FANCA: variants seen among roughly 807,000 people sequenced by gnomAD.
FANCA encodes the protein Fanconi anemia group A protein.
A neutral mutation model predicts 194.3 loss-of-function variants in FANCA; 236 were observed. That is an observed-to-expected ratio of 1.21 (90% CI 1.09 to 1.35). FANCA has a LOEUF of 1.35. Ranked by LOEUF, FANCA falls within the 40% of genes most tolerant of loss-of-function variation. The pLI is 0.00. For missense variants in FANCA, 2,628 were observed against 1,813.9 expected (o/e 1.45, Z -8.15); for synonymous variants, 1,014 against 715.8 (o/e 1.42, Z -6.65).
chr16:89,791,005 T>TTGTG (rs1287893743), intron 14 of FANCA: 10 of 230,702 alleles, frequency 4.3e-5, no homozygotes, highest in African/African-American at 1.4e-4. Context: ...AGTTTTTGTT[T>TTGTG]TGTGTGTGTG....
intron 31 of FANCA, among the ~76,000 whole-genome samples, chr16:89,750,189 T>G (rs2038535626): frequency 6.6e-6 from 1 of 151,840 alleles, no homozygotes; most frequent in Non-Finnish European, 1.5e-5. Context: ...ACTTATCAAT[T>G]AAGAAAAAAC....
chr16:89,749,684 C>T, intron 32 of FANCA, 46 bp downstream of exon 32: 3 of 1,583,446 alleles, frequency 1.9e-6, no homozygotes, highest in Non-Finnish European at 1.7e-6. Flanking sequence ...TGAGATGCTG[C>T]CCTGCCCAGG....
chr16:89,758,541 C>T (rs562832356), intron 30 of FANCA, 36 bp downstream of exon 30: 150 of 1,609,018 alleles, frequency 9.3e-5, no homozygotes, highest in Non-Finnish European at 1.2e-4. Flanking sequence ...TAGTCCTGTC[C>T]CTCCAGAGAA....
In FANCA at chr16:89,767,149, T is replaced by C. The variant is rs878853662; in HGVS notation, c.2593A>G (p.Ile865Val). The change falls in exon 27 of 43, where the codon ATT (isoleucine) becomes GTT (valine). Residue 865 changes from isoleucine (I) to valine (V), a missense_variant. Physicochemically the swap from Ile to Val is conservative, Grantham distance 29. Transcript: ENST00000389301. ...TLCSCLSPGL[I>V]KKFQFLMFRL... Reference sequence around the variant, plus strand: ...GAAAAGAGTGAACCTACCTTTTTAATAAGGCCTGGAGATAAGCAGCTGCAC... The same window carrying C: ...GAAAAGAGTGAACCTACCTTTTTAACAAGGCCTGGAGATAAGCAGCTGCAC... The C allele has an allele frequency of 5.0e-6, 8 of 1,610,818 alleles. No individual in the cohort carries two copies. The highest frequency in any genetic ancestry group is 1.3e-5 in the African/African-American group (1 of 74,950).
intron 25 of FANCA, 50 bp from the exon 26 acceptor site, chr16:89,770,074 A>G: frequency 1.3e-6 from 2 of 1,597,254 alleles, no homozygotes; most frequent in Non-Finnish European, 1.7e-6. Flanking sequence ...TCCAAGCTGG[A>G]ATTTTCCAGG....
At chr16:89,809,298 G>A (rs1010827352) in intron 5 of FANCA, among the ~76,000 whole-genome samples, 2 of 152,264 alleles carry the variant, frequency 1.3e-5, no homozygotes, top group East Asian at 3.9e-4. Context: ...AAATCTGTGA[G>A]CACATGAATC....
At chr16:89,780,166 C>T (rs55695484) in intron 17 of FANCA, among the ~76,000 whole-genome samples, 1 of 152,288 alleles carries the variant, frequency 6.6e-6, no homozygotes, top group African/African-American at 2.4e-5. Flanking sequence ...ATGACACTGC[C>T]ACCTCCACAC....
intron 14 of FANCA, among the ~76,000 whole-genome samples, chr16:89,790,553 AC>A (rs2040035535): frequency 6.6e-6 from 1 of 151,874 alleles, no homozygotes. Flanking sequence ...ACATGGTGAA[AC>A]CCCGTCTCTA....
At chr16:89,801,089 T>C (rs2040433937) in intron 8 of FANCA, among the ~76,000 whole-genome samples, 1 of 147,752 alleles carries the variant, frequency 6.8e-6, no homozygotes, top group Non-Finnish European at 1.5e-5. Context: ...CCCACGCCTA[T>C]AATCCCAACA....
rs979593313 is a variant in FANCA, at chr16:89,783,082, G to C, written c.1491C>G (p.Pro497=). The change falls in exon 16 of 43, where the codon CCC becomes CCG. Residue 497 remains proline, a synonymous_variant. Transcript: ENST00000389301. ...GGGAGCGGTACTTGCCGGGAACCAG[G>C]GGTGGGTGGAGAATGTGCACCTGAG... is the stretch of plus-strand genomic sequence containing the variant. ...RYLQVHILHP[P]LVPGKYRSLL... 6.2e-7 allele frequency: 1 copy of C among 1,613,682 alleles called. No individual in the cohort carries two copies. Among genetic ancestry groups the C allele is most frequent in the Non-Finnish European group, 8.5e-7 (1 of 1,179,688 alleles).
At position 89,749,766 on chromosome 16, in the gene FANCA, C is replaced by G; in HGVS notation, c.3203G>C (p.Ser1068Thr). The G allele has an allele frequency of 3.1e-6, 5 of 1,614,200 alleles. No homozygotes were observed. Among genetic ancestry groups the G allele is most frequent in the Non-Finnish European group, 4.2e-6 (5 of 1,180,018 alleles). Reference sequence around the variant, plus strand: ...TAGCAGCTCCCTCTGTCTCTGAAGGCTGGCAGCCACGCTCCACCCGCTTGT... The same window carrying G: ...TAGCAGCTCCCTCTGTCTCTGAAGGGTGGCAGCCACGCTCCACCCGCTTGT... ...ALTSGWSVAASLQRQRELLMY... is the reference protein window; with the variant it reads ...ALTSGWSVAATLQRQRELLMY... Residue 1068 changes from serine to threonine, a missense_variant, in exon 32 of 43, where the codon AGC (serine) becomes ACC (threonine). Coordinates refer to ENST00000389301, the MANE Select transcript of FANCA (RefSeq NM_000135.4).
At chr16:89,790,185 T>A (rs1196781255) in intron 14 of FANCA, among the ~76,000 whole-genome samples, 1 of 151,172 alleles carries the variant, frequency 6.6e-6, no homozygotes, top group Non-Finnish European at 1.5e-5. Flanking sequence ...GCGGACCACT[T>A]AAGGTCAGGA....
chr16:89,773,435 C>G, intron 21 of FANCA, 51 bp from the exon 22 acceptor site: 1 of 1,303,284 alleles, frequency 7.7e-7, no homozygotes, highest in Non-Finnish European at 1.1e-6. Flanking sequence ...CAGGACTCTT[C>G]ACTGCAAAAA....
At position 89,792,055 on chromosome 16, in the gene FANCA, A is replaced by G. The variant is rs2143530711; in HGVS notation, c.1097T>C (p.Leu366Pro). 3.7e-6 allele frequency: 6 copies of G among 1,614,214 alleles called. No homozygotes were observed. Among genetic ancestry groups the G allele is most frequent in the Non-Finnish European group, 5.1e-6 (6 of 1,180,026 alleles). ...TSLYRRLFVM[L>P]SAEELVGHLQ... ...ATGGCCAACCAACTCCTCTGCACTC[A>G]GCATCACAAAGAGCTGAAATAAAAG... Residue 366 changes from leucine (L) to proline (P), a missense_variant, in exon 13 of 43, where the codon CTG becomes CCG. By Grantham distance (98) the Leu-to-Pro change is moderately conservative. Transcript: ENST00000389301.
rs775820828 is a variant in FANCA at position 89,738,092 on chromosome 16, AG to A, written c.*508del. ...TGTGACCAGTGTGGCCGGCGGTTTGAGAAGGCCCACAACCTCAATGTACACA... is the reference window on the plus strand; with the variant it reads ...TGTGACCAGTGTGGCCGGCGGTTTGAAAGGCCCACAACCTCAATGTACACA... On this transcript the variant is annotated 3_prime_UTR_variant, in exon 43 of 43. Transcript: ENST00000389301. 6 of 1,614,040 alleles carry A rather than the reference AG, an allele frequency of 3.7e-6. No individual in the cohort carries two copies. The highest frequency in any genetic ancestry group is 8.5e-7 in the Non-Finnish European group (1 of 1,180,036).
intron 31 of FANCA, among the ~76,000 whole-genome samples, chr16:89,751,931 C>T (rs558206414): frequency 2.6e-5 from 4 of 152,018 alleles, no homozygotes; most frequent in Admixed American, 6.6e-5. Flanking sequence ...CCACCACGCC[C>T]GGCTAAATTT....
intron 11 of FANCA, 64 bp downstream of exon 11, chr16:89,795,842 G>C: frequency 1.7e-6 from 2 of 1,205,614 alleles, no homozygotes; most frequent in South Asian, 1.2e-5. Flanking sequence ...GCGTTACCAA[G>C]GCAACAAGGC....
chr16:89,768,242 A>G (rs1354862766), intron 26 of FANCA, among the ~76,000 whole-genome samples: 1 of 152,160 alleles, frequency 6.6e-6, no homozygotes, highest in Non-Finnish European at 1.5e-5. Flanking sequence ...CTCAACATAC[A>G]TACCTACAGC....
rs1450151864 is a variant in FANCA, at chr16:89,748,734, G to A, written c.3273C>T (p.Cys1091=). 12 of 1,613,942 alleles carry A rather than the reference G, an allele frequency of 7.4e-6. No individual in the cohort carries two copies. Among genetic ancestry groups the A allele is most frequent in the African/African-American group, 5.3e-5 (4 of 74,938 alleles). Reference sequence around the variant, plus strand: ...GCTGTTCTGCCTGGAAGCTGCTGCCGCAGAGGACAGACGAAGGCAGGCGGA... The same window carrying A: ...GCTGTTCTGCCTGGAAGCTGCTGCCACAGAGGACAGACGAAGGCAGGCGGA... ...ILLRLPSSVL[C]GSSFQAEQPI... Residue 1091 remains cysteine (C), a synonymous_variant, in exon 33 of 43, where the codon TGC becomes TGT. Transcript: ENST00000389301.
Sources: gnomAD v4.1 joint callset for allele counts (sites outside exome capture counted in the v4.1 genomes callset) on GRCh38, gnomAD v4.1.1 for gene constraint, MANE v1.5 for transcripts, NCBI Gene and HGNC (gene_info 2026-07-23, HGNC 2026-07-21) for gene names.